Variants in COL18A1 observed in about 807,000 individuals in gnomAD.
The protein encoded by COL18A1 is collagen type XVIII alpha 1 chain.
Under a neutral mutation model 168.0 loss-of-function variants are expected in COL18A1, and 133 were observed. The ratio of observed to expected loss-of-function variants is 0.79; its 90% CI spans 0.69 to 0.91. The LOEUF (loss-of-function observed/expected upper bound fraction) is 0.91, where lower values mean the gene tolerates loss of function less well. COL18A1 is among the 40% of genes least tolerant of loss of function. The pLI is 0.00. For missense variants in COL18A1, 2,126 were observed against 1,925.4 expected (o/e 1.10, Z -1.95); for synonymous variants, 949 against 809.0 (o/e 1.17, Z -2.94).
At chr21:45,437,686 C>A (rs1274636833) in intron 2 of COL18A1, among the ~76,000 whole-genome samples, 1 of 55,950 alleles carries the variant, frequency 1.8e-5, no homozygotes, top group Non-Finnish European at 3.1e-5. Flanking sequence ...AGGCACTCTC[C>A]TGCACACACA....
chr21:45,411,118 C>A (rs931613675), intron 2 of COL18A1, among the ~76,000 whole-genome samples: 12 of 152,300 alleles, frequency 7.9e-5, no homozygotes, highest in African/African-American at 2.4e-4. Context: ...ATGGGAGAGA[C>A]AGGGGTAGTG....
At chr21:45,479,850 G>A (rs1260479004) in intron 9 of COL18A1, 52 bp from the exon 10 acceptor site, 5 of 1,610,796 alleles carry the variant, frequency 3.1e-6, no homozygotes, top group East Asian at 2.2e-5. Context: ...AGTGCTGGGT[G>A]CGGCCCATGG....
At chr21:45,455,589 C>T in intron 2 of COL18A1, 1 of 1,613,962 alleles carries the variant, frequency 6.2e-7, no homozygotes, top group Non-Finnish European at 8.5e-7. Flanking sequence ...TGCCTGGCGG[C>T]TGCCCGGGCC....
intron 22 of COL18A1, among the ~76,000 whole-genome samples, chr21:45,491,857 TCTGGGCAGGGAGCTGAGCC>T (rs1402394895): frequency 1.3e-5 from 2 of 152,010 alleles, no homozygotes; most frequent in African/African-American, 4.8e-5. Flanking sequence ...CAAGCCCCAC[TCTGGGCAGGGAGCTGAGCC>T]CTGGGCAGAT....
chr21:45,508,459 G>A (rs954927423), intron 38 of COL18A1, among the ~76,000 whole-genome samples: 1 of 150,132 alleles, frequency 6.7e-6, no homozygotes, highest in East Asian at 2.0e-4. Context: ...GAGTGGATGG[G>A]TGGATGGACA....
chr21:45,462,766 T>A (rs2035087074), intron 2 of COL18A1, among the ~76,000 whole-genome samples: 1 of 152,252 alleles, frequency 6.6e-6, no homozygotes. Flanking sequence ...TCTGTTAATT[T>A]ATTTTTCTCC....
At chr21:45,452,148 G>C (rs1602411563) in intron 2 of COL18A1, among the ~76,000 whole-genome samples, 1 of 152,364 alleles carries the variant, frequency 6.6e-6, no homozygotes, top group East Asian at 1.9e-4. Flanking sequence ...TGGGCACCCA[G>C]ATCCTGGAAC....
intron 24 of COL18A1, 91 bp downstream of exon 24, chr21:45,492,804 G>C: frequency 1.0e-6 from 1 of 967,968 alleles, no homozygotes; most frequent in Non-Finnish European, 1.6e-6. Context: ...GCTGGGGTGG[G>C]CCTTGTCAGG....
intron 2 of COL18A1, among the ~76,000 whole-genome samples, chr21:45,418,683 A>C (rs1331231103): frequency 2.0e-5 from 3 of 150,424 alleles, no homozygotes; most frequent in Admixed American, 6.6e-5. Context: ...GTCTCAGGGA[A>C]GCGGCACCTC....
At position 45,457,893 on chromosome 21, in the gene COL18A1, G is replaced by C. The variant is rs186876772; in HGVS notation, c.107-10349G>C. ...GCCTGCAGTGGAAATTCTGGTGGAC[G>C]CCCACCCACCAGGCTCCGTGAGGGA... On this transcript the variant is annotated intron_variant, in intron 2 of 41. Coordinates refer to ENST00000651438, the MANE Select transcript of COL18A1 (RefSeq NM_001379500.1). The surrounding 1 kb of genome is among the most constrained non-coding windows in gnomAD (Gnocchi z 4.6). Among the ~76,000 whole-genome samples, 203 of 152,242 alleles carry C rather than the reference G, an allele frequency of 1.3e-3. No homozygotes were observed. The highest frequency in any genetic ancestry group is 4.5e-3 in the African/African-American group (185 of 41,536).
At chr21:45,476,857 G>A (rs560781825) in intron 6 of COL18A1, among the ~76,000 whole-genome samples, 94 of 151,176 alleles carry the variant, frequency 6.2e-4, no homozygotes, top group African/African-American at 1.6e-3. Context: ...TGTAGTGTGC[G>A]TATTGTGTGT....
At chr21:45,487,658 C>G (rs776519105) in intron 17 of COL18A1, 149 bp downstream of exon 17, 1 of 961,516 alleles carries the variant, frequency 1.0e-6, no homozygotes, top group African/African-American at 1.6e-5. Context: ...GCGCTGTGCC[C>G]CGCGGGCCAC....
chr21:45,463,981 C>A lies in COL18A1; in HGVS notation c.107-4261C>A, dbSNP rs1004328346. Among the ~76,000 whole-genome samples, 1 of 152,226 alleles carries A rather than the reference C, an allele frequency of 6.6e-6. No homozygotes were observed. Among genetic ancestry groups the A allele is most frequent in the Non-Finnish European group, 1.5e-5 (1 of 68,036 alleles). On this transcript the variant is annotated intron_variant, in intron 2 of 41. Coordinates refer to ENST00000651438, the MANE Select transcript of COL18A1 (RefSeq NM_001379500.1). The surrounding 1 kb of genome is among the most constrained non-coding windows in gnomAD (Gnocchi z 4.0). The stretch of plus-strand genomic sequence containing the variant: ...GTGCAGGTGTCTAGCCTGGATGCCA[C>A]CCAGCTATGCCAAATGCGGGGAGAA...
In COL18A1 at chr21:45,429,945, A is replaced by AC. The variant is rs913755437; in HGVS notation, c.106+24478dup. Among the ~76,000 whole-genome samples, 7 of 144,342 alleles carry AC rather than the reference A, an allele frequency of 4.8e-5. 1 individual carries two copies. In the East Asian group the frequency reaches 1.0e-3, roughly 21 times the overall value. The allele number at this position is 144,342 out of a possible 152,430, so 94.7% of individuals were successfully genotyped here. A position where few individuals can be genotyped will look rare whatever the true frequency, so the allele number is the denominator to read the frequency against. ...TCTCCCTCGCGCCCTCTCATTGGGG[A>AC]CCCCCCGTCTCCCTAGCGCCCTCTC... On this transcript the variant is annotated intron_variant, in intron 2 of 41. Transcript: ENST00000651438.
At chr21:45,444,143 C>T in intron 2 of COL18A1, among the ~76,000 whole-genome samples, 1 of 152,228 alleles carries the variant, frequency 6.6e-6, no homozygotes, top group East Asian at 1.9e-4. Context: ...CGTCCTCTAC[C>T]CTTTCCCATG....
At chr21:45,476,543 T>TG in intron 6 of COL18A1, 63 bp downstream of exon 6, 19 of 1,503,620 alleles carry the variant, frequency 1.3e-5, no homozygotes, top group Middle Eastern at 1.7e-4. Flanking sequence ...GTAACGTGTG[T>TG]TTGTGTGATG....
In COL18A1 at chr21:45,487,465, G is replaced by T. The variant is rs368967629; in HGVS notation, c.1852G>T (p.Gly618Trp). The T allele has an allele frequency of 6.2e-7, 1 of 1,612,888 alleles. No homozygotes were observed. The highest frequency in any genetic ancestry group is 1.1e-5 in the South Asian group (1 of 91,076). Residue 618 changes from glycine (G) to tryptophan (W), a missense_variant, in exon 17 of 42, where the codon GGG becomes TGG. By Grantham distance (184) the Gly-to-Trp change is radical (BLOSUM62 -2). Coordinates refer to ENST00000651438, the MANE Select transcript of COL18A1 (RefSeq NM_001379500.1). ...PAGFDDMEGS[G>W]GPFWSTARSA... ...CTTCCAGGATGACATGGAAGGCTCCGGGGGGCCCTTCTGGTCAACAGCCCG... is the reference window on the plus strand; with the variant it reads ...CTTCCAGGATGACATGGAAGGCTCCTGGGGGCCCTTCTGGTCAACAGCCCG...
intron 2 of COL18A1, among the ~76,000 whole-genome samples, chr21:45,458,338 G>A (rs975961017): frequency 2.0e-5 from 3 of 151,826 alleles, no homozygotes; most frequent in African/African-American, 7.3e-5. Context: ...CATCTCGTAG[G>A]GCTGGAGCTC....
At chr21:45,511,750 G>A (rs2037621616) in intron 41 of COL18A1, among the ~76,000 whole-genome samples, 1 of 152,202 alleles carries the variant, frequency 6.6e-6, no homozygotes, top group South Asian at 2.1e-4. Context: ...CCCCAGCAGT[G>A]CCTGGCCATC....
Sources: gnomAD v4.1 joint callset for allele counts (sites outside exome capture counted in the v4.1 genomes callset) on GRCh38, gnomAD v4.1.1 for gene constraint, Gnocchi (gnomAD v3.1) non-coding constraint, MANE v1.5 for transcripts, NCBI Gene and HGNC (gene_info 2026-07-23, HGNC 2026-07-21) for gene names.